LDLRAD4: variants seen among roughly 807,000 people sequenced by gnomAD.
LDLRAD4 encodes low-density lipoprotein receptor class A domain-containing protein 4.
Under a neutral mutation model 17.0 loss-of-function variants are expected in LDLRAD4, and 5 were observed. That is an observed-to-expected ratio of 0.29 (90% CI 0.15 to 0.62). The LOEUF is 0.62. LDLRAD4 is among the 20% of genes least tolerant of loss of function. The pLI, the probability that LDLRAD4 is intolerant of heterozygous loss-of-function variation, is 0.84. For synonymous variants in LDLRAD4, 168 were observed against 171.8 expected, an observed-to-expected ratio of 0.98 and a Z score of 0.17; for missense variants, 340 against 424.7, an observed-to-expected ratio of 0.80 and a Z score of 1.75.
intron 3 of LDLRAD4, among the ~76,000 whole-genome samples, chr18:13,558,194 A>G (rs943617656): frequency 6.6e-5 from 10 of 152,236 alleles, no homozygotes; most frequent in African/African-American, 2.2e-4. Flanking sequence ...ACCAGGGTGA[A>G]TATTGAGTGG....
intron 1 of LDLRAD4, among the ~76,000 whole-genome samples, chr18:13,227,770 C>T (rs576313429): frequency 6.6e-6 from 1 of 152,324 alleles, no homozygotes; most frequent in South Asian, 2.1e-4. Context: ...ATAAAACCAT[C>T]AGATCTCGTG....
intron 3 of LDLRAD4, among the ~76,000 whole-genome samples, chr18:13,445,517 C>CGT (rs1383036603): frequency 4.7e-5 from 7 of 149,420 alleles, no homozygotes; most frequent in Admixed American, 1.3e-4. Flanking sequence ...TGAATGTGCA[C>CGT]GTGTGTGTAT....
intron 3 of LDLRAD4, among the ~76,000 whole-genome samples, chr18:13,568,499 G>A (rs1293191331): frequency 6.6e-6 from 1 of 152,130 alleles, no homozygotes; most frequent in Non-Finnish European, 1.5e-5. Context: ...GACCATGGAA[G>A]AAGAACTGAA....
chr18:13,584,305 C>T (rs140262096), intron 3 of LDLRAD4, among the ~76,000 whole-genome samples: 66 of 152,324 alleles, frequency 4.3e-4, no homozygotes, highest in African/African-American at 1.5e-3. Context: ...TTACTTATCC[C>T]TTAAGACTCA....
chr18:13,643,332 C>A (rs752145173), intron 4 of LDLRAD4, 27 bp from the exon 6 acceptor site: 4 of 1,451,156 alleles, frequency 2.8e-6, no homozygotes, highest in East Asian at 2.8e-5. Flanking sequence ...TTGTTCCCCC[C>A]ACTCTCCTCC....
intron 4 of LDLRAD4, among the ~76,000 whole-genome samples, chr18:13,631,858 C>T (rs576288486): frequency 1.2e-4 from 18 of 152,168 alleles, no homozygotes; most frequent in Admixed American, 1.3e-4. Flanking sequence ...CCCCGGGAGG[C>T]GGAGGTTGCA....
intron 3 of LDLRAD4, among the ~76,000 whole-genome samples, chr18:13,620,141 G>A (rs975136972): frequency 3.9e-5 from 6 of 152,096 alleles, no homozygotes; most frequent in Non-Finnish European, 7.4e-5. Context: ...TGCCTGCATC[G>A]CCCCACGTAT....
intron 3 of LDLRAD4, among the ~76,000 whole-genome samples, chr18:13,597,701 T>A (rs2095112519): frequency 6.6e-6 from 1 of 152,242 alleles, no homozygotes; most frequent in African/African-American, 2.4e-5. Flanking sequence ...AGATCTACTG[T>A]TAAGCTCTAG....
intron 3 of LDLRAD4, among the ~76,000 whole-genome samples, chr18:13,474,945 A>G (rs1341292673): frequency 1.3e-5 from 2 of 152,016 alleles, no homozygotes; most frequent in Non-Finnish European, 2.9e-5. Context: ...TGGGGTTAAG[A>G]TGGTTTATGG....
At chr18:13,438,369 C>T (rs748709104) in exon 3 of LDLRAD4, 7 of 1,614,016 alleles carry the variant, frequency 4.3e-6, no homozygotes, top group Non-Finnish European at 5.9e-6. Context: ...GCACCCGCCT[C>T]CGGGCATCTT....
chr18:13,602,826 T>G (rs1470780700), intron 3 of LDLRAD4, among the ~76,000 whole-genome samples: 1 of 152,114 alleles, frequency 6.6e-6, no homozygotes, highest in Non-Finnish European at 1.5e-5. Flanking sequence ...TCAGTACTTT[T>G]TCAAGTCACA....
chr18:13,585,451 C>T (rs969456578), intron 3 of LDLRAD4: 1 of 152,068 alleles, frequency 6.6e-6, no homozygotes. Flanking sequence ...GCAGCCTGCT[C>T]AGGTGAAGGG....
chr18:13,225,084 C>T (rs1163971469), intron 1 of LDLRAD4, among the ~76,000 whole-genome samples: 2 of 151,674 alleles, frequency 1.3e-5, no homozygotes, highest in Non-Finnish European at 2.9e-5. Context: ...GATCCGCCCG[C>T]CTCAGCCTCC....
intron 3 of LDLRAD4, among the ~76,000 whole-genome samples, chr18:13,476,206 G>T (rs1208623521): frequency 6.6e-6 from 1 of 152,134 alleles, no homozygotes; most frequent in Non-Finnish European, 1.5e-5. Context: ...CACGTTCAGG[G>T]GTCACATCTG....
chr18:13,408,143 A>T (rs1278707649), intron 2 of LDLRAD4, among the ~76,000 whole-genome samples: 1 of 152,130 alleles, frequency 6.6e-6, no homozygotes, highest in East Asian at 1.9e-4. Context: ...GGAGGCCGAG[A>T]TGAGAGGATC....
intron 1 of LDLRAD4, among the ~76,000 whole-genome samples, chr18:13,318,800 T>A (rs946894554): frequency 6.6e-5 from 10 of 152,154 alleles, no homozygotes; most frequent in South Asian, 2.1e-4. Context: ...CCCTGGGTGA[T>A]GGAGCTCCTG....
At chr18:13,238,423 T>C (rs2042443579) in intron 1 of LDLRAD4, among the ~76,000 whole-genome samples, 1 of 152,262 alleles carries the variant, frequency 6.6e-6, no homozygotes. Context: ...GATCAGTGTC[T>C]TGAAGCACTG....
intron 3 of LDLRAD4, among the ~76,000 whole-genome samples, chr18:13,509,540 G>A (rs979612371): frequency 2.0e-5 from 3 of 152,204 alleles, no homozygotes; most frequent in African/African-American, 7.2e-5. Flanking sequence ...AGCAAAGTAA[G>A]TGGTTTCCTG....
Position 13,248,471 on chromosome 18 carries a change from C to T in LDLRAD4, c.-467+29483C>T, listed in dbSNP as rs533133681. Among the ~76,000 whole-genome samples, 14 of 152,322 alleles carry T rather than the reference C, an allele frequency of 9.2e-5. No individual in the cohort carries two copies. The East Asian group carries it at 2.7e-3, about 29-fold the overall frequency. ...TTGGCTGGTGTGGGCACAGCGACCA[C>T]CCCATAAGATGTGATGTAGCAATTG... On this transcript the variant is annotated intron_variant, in intron 1 of 5. Transcript: ENST00000399848.
Sources: gnomAD v4.1 joint callset for allele counts (sites outside exome capture counted in the v4.1 genomes callset) on GRCh38, gnomAD v4.1.1 for gene constraint, MANE v1.5 for transcripts, NCBI Gene and HGNC (gene_info 2026-07-23, HGNC 2026-07-21) for gene names.